Variants in CTTN observed in about 807,000 individuals in gnomAD.
CTTN encodes src substrate cortactin.
A neutral mutation model predicts 84.0 loss-of-function variants in CTTN; 28 were observed. That is an observed-to-expected ratio of 0.33 (90% CI 0.25 to 0.46). The LOEUF (loss-of-function observed/expected upper bound fraction) is 0.46. CTTN is among the 20% of genes least tolerant of loss of function. CTTN has a pLI of 1.00. For missense variants in CTTN, 641 were observed against 723.8 expected, an observed-to-expected ratio of 0.89 and a Z score of 1.31; for synonymous variants, 301 against 288.8, an observed-to-expected ratio of 1.04 and a Z score of -0.43.
At chr11:70,401,671 AAG>A (rs1294498054) in intron 1 of CTTN, among the ~76,000 whole-genome samples, 13 of 151,812 alleles carry the variant, frequency 8.6e-5, no homozygotes, top group South Asian at 6.2e-4. Flanking sequence ...CAAAAAAAAA[AAG>A]AGAGAGAAAA....
intron 14 of CTTN, among the ~76,000 whole-genome samples, chr11:70,430,138 A>G (rs1289542738): frequency 1.3e-5 from 2 of 152,150 alleles, no homozygotes; most frequent in Non-Finnish European, 2.9e-5. Context: ...AAAAGACAAG[A>G]CAGCACTACC....
At chr11:70,413,772 C>A (rs1387600929) in intron 5 of CTTN, among the ~76,000 whole-genome samples, 1 of 152,222 alleles carries the variant, frequency 6.6e-6, no homozygotes, top group Non-Finnish European at 1.5e-5. Flanking sequence ...GAGCCTGTGT[C>A]TTGCAGACTA....
chr11:70,399,695 G>C (rs941617321), intron 1 of CTTN, among the ~76,000 whole-genome samples: 9 of 152,232 alleles, frequency 5.9e-5, no homozygotes, highest in Non-Finnish European at 8.8e-5. Flanking sequence ...AGAAGGGACA[G>C]GGCTTCCTCC....
chr11:70,431,844 C>T (rs180865431), intron 15 of CTTN, among the ~76,000 whole-genome samples: 12 of 152,096 alleles, frequency 7.9e-5, no homozygotes, highest in East Asian at 1.9e-4. Flanking sequence ...AGCCGCCTGC[C>T]GATGCCCCGC....
chr11:70,432,969 G>T, intron 15 of CTTN, 132 bp from the exon 16 acceptor site: 2 of 946,968 alleles, frequency 2.1e-6, no homozygotes, highest in South Asian at 1.6e-5. Context: ...CCTATACCGC[G>T]TCTGTTTTCT....
chr11:70,414,842 C>T (rs965776014), intron 6 of CTTN, among the ~76,000 whole-genome samples, 190 bp downstream of exon 6: 10 of 152,238 alleles, frequency 6.6e-5, no homozygotes, highest in African/African-American at 1.9e-4. Context: ...CAGGATGCGG[C>T]GGGCTTGCTG....
intron 5 of CTTN, 143 bp from the exon 6 acceptor site, chr11:70,414,399 T>G: frequency 1.8e-6 from 1 of 561,344 alleles, no homozygotes. Context: ...CGTGTCGCCT[T>G]CCTTGGCTCC....
chr11:70,399,678 T>C (rs2057953376), intron 1 of CTTN, among the ~76,000 whole-genome samples: 2 of 152,144 alleles, frequency 1.3e-5, no homozygotes, highest in Admixed American at 1.3e-4. Flanking sequence ...CTGGAAGGCC[T>C]TGGGTGAGAA....
chr11:70,414,919 G>T (rs1429970634), intron 6 of CTTN, among the ~76,000 whole-genome samples: 1 of 152,182 alleles, frequency 6.6e-6, no homozygotes, highest in Non-Finnish European at 1.5e-5. Flanking sequence ...CTGTCCCAAT[G>T]TGCCAGCAGG....
intron 14 of CTTN, among the ~76,000 whole-genome samples, chr11:70,430,848 ACTGG>A (rs2058346541): frequency 1.3e-5 from 2 of 152,268 alleles, no homozygotes; most frequent in African/African-American, 2.4e-5. Flanking sequence ...CTGTCGCGTC[ACTGG>A]CTGTGTGATC....
chr11:70,411,756 G>A (rs1166572066), intron 5 of CTTN, among the ~76,000 whole-genome samples: 2 of 152,138 alleles, frequency 1.3e-5, no homozygotes, highest in African/African-American at 2.4e-5. Flanking sequence ...AGTGCCAGGA[G>A]CTCCCTGGAA....
rs143539985 is a variant in CTTN, at chr11:70,428,582, A to G, written c.1028-469A>G. ...TCAGTCTTCCCGTCTCAACCTCCCA[A>G]AGTGCTGGGATTACAGGCATGAGCC... is the stretch of plus-strand genomic sequence containing the variant. On this transcript the variant is annotated intron_variant, in intron 13 of 17. Transcript: ENST00000301843. 1.2e-4 allele frequency among the ~76,000 whole-genome samples: 19 copies of G among 152,114 alleles called. No homozygotes were observed. The East Asian group carries it at 3.7e-3, about 29-fold the overall frequency.
Position 70,436,146 on chromosome 11 carries a change from A to G in CTTN, c.*984A>G. ...GGGGGTGTAGTATTTTTGCCAAAATATCATGTTCAATTTCAGTAGTTTGAT... is the reference window on the plus strand; with the variant it reads ...GGGGGTGTAGTATTTTTGCCAAAATGTCATGTTCAATTTCAGTAGTTTGAT... On this transcript the variant is annotated 3_prime_UTR_variant, in exon 18 of 18. Transcript: ENST00000301843. 6.9e-7 allele frequency: 1 copy of G among 1,447,588 alleles called. No homozygotes were observed. Among genetic ancestry groups the G allele is most frequent in the Non-Finnish European group, 9.0e-7 (1 of 1,107,010 alleles). The allele number at this position is 1,447,588 out of a possible 1,614,324, so 89.7% of individuals were successfully genotyped here.
chr11:70,407,111 G>A (rs1311225778), intron 2 of CTTN, among the ~76,000 whole-genome samples, 187 bp from the exon 3 acceptor site: 3 of 152,160 alleles, frequency 2.0e-5, no homozygotes, highest in African/African-American at 7.2e-5. Flanking sequence ...TTAGAACCCC[G>A]AGGTGAAATT....
chr11:70,410,211 T>C (rs914006621), intron 5 of CTTN: 23 of 410,834 alleles, frequency 5.6e-5, no homozygotes, highest in African/African-American at 7.9e-5. Flanking sequence ...GAGAGGGAGA[T>C]TGGCCCTCAG....
chr11:70,410,266 T>G, intron 5 of CTTN: 1 of 286,702 alleles, frequency 3.5e-6, no homozygotes, highest in Non-Finnish European at 6.8e-6. Flanking sequence ...ATCCTGGCTC[T>G]AGGTGTCATC....
chr11:70,422,891 C>A (rs773125620), intron 11 of CTTN, 49 bp from the exon 12 acceptor site: 2 of 1,613,612 alleles, frequency 1.2e-6, no homozygotes, highest in South Asian at 2.2e-5. Flanking sequence ...CGGCCACCCC[C>A]ATGCTCGCCT....
Position 70,436,253 on chromosome 11 carries a change from C to G in CTTN, c.*1091C>G. 3 of 1,596,374 alleles carry G rather than the reference C, an allele frequency of 1.9e-6. No individual in the cohort carries two copies. The highest frequency in any genetic ancestry group is 1.1e-5 in the South Asian group (1 of 90,888). ...CCCCACAGCTCCAGGACACCGCTGTCCTGGCATTTGTGGCCACTCACTTTG... is the reference window on the plus strand; with the variant it reads ...CCCCACAGCTCCAGGACACCGCTGTGCTGGCATTTGTGGCCACTCACTTTG... On this transcript the variant is annotated 3_prime_UTR_variant, in exon 18 of 18. Coordinates refer to ENST00000301843, the MANE Select transcript of CTTN (RefSeq NM_005231.4).
rs569631379 is a variant in CTTN, at chr11:70,434,383, C to CG, written c.1517-640dup. Reference sequence around the variant, plus strand: ...CCCTCTGCAGTTGACAAGCATCTTACGGGTGGCGTGGGATTCCCCTCAGAA... The same window carrying CG: ...CCCTCTGCAGTTGACAAGCATCTTACGGGGTGGCGTGGGATTCCCCTCAGAA... On this transcript the variant is annotated intron_variant, in intron 17 of 17. Transcript: ENST00000301843. Among the ~76,000 whole-genome samples, 84 of 152,372 alleles carry CG rather than the reference C, an allele frequency of 5.5e-4. No individual in the cohort carries two copies. In the East Asian group the frequency reaches 0.015, roughly 27 times the overall value.
Sources: gnomAD v4.1 joint callset for allele counts (sites outside exome capture counted in the v4.1 genomes callset) on GRCh38, gnomAD v4.1.1 for gene constraint, MANE v1.5 for transcripts, NCBI Gene and HGNC (gene_info 2026-07-23, HGNC 2026-07-21) for gene names.